Variants in PDZD2 observed in about 807,000 individuals in gnomAD.
PDZD2 encodes PDZ domain containing 2.
Under a neutral mutation model 220.7 loss-of-function variants are expected in PDZD2, and 90 were observed. The ratio of observed to expected loss-of-function variants is 0.41; its 90% CI spans 0.34 to 0.49. The LOEUF (loss-of-function observed/expected upper bound fraction) is 0.49, where lower values mean the gene tolerates loss of function less well. PDZD2 is among the 20% of genes least tolerant of loss of function. The probability of loss-of-function intolerance (pLI) is 0.28; values close to 1 mark genes in which losing one functional copy is unlikely to be tolerated. For synonymous variants in PDZD2, 1,375 were observed against 1,450.5 expected (o/e 0.95, Z 1.18); for missense variants, 3,174 against 3,608.5 (o/e 0.88, Z 3.08).
chr5:31,894,267 G>A (rs1275073329), intron 2 of PDZD2, among the ~76,000 whole-genome samples: 3 of 151,586 alleles, frequency 2.0e-5, no homozygotes, highest in East Asian at 1.9e-4. Context: ...CTGAAGTTTC[G>A]ACCAAAAGAC....
chr5:31,722,616 T>C (rs1205504857), intron 1 of PDZD2, among the ~76,000 whole-genome samples: 1 of 151,998 alleles, frequency 6.6e-6, no homozygotes, highest in Non-Finnish European at 1.5e-5. Context: ...AGAAAGAAAA[T>C]ACAAAGTTTA....
intron 2 of PDZD2, among the ~76,000 whole-genome samples, chr5:31,900,754 C>T (rs890801417): frequency 4.6e-5 from 7 of 152,126 alleles, no homozygotes; most frequent in Non-Finnish European, 8.8e-5. Context: ...TAGATTATCA[C>T]CCCGAGGAAC....
At chr5:32,081,911 A>G (rs1440911509) in intron 19 of PDZD2, among the ~76,000 whole-genome samples, 2 of 150,886 alleles carry the variant, frequency 1.3e-5, no homozygotes, top group African/African-American at 4.9e-5. Flanking sequence ...TTTAGTAGAG[A>G]TGGGGTTTCA....
At chr5:31,783,413 C>T (rs768365668) in intron 1 of PDZD2, among the ~76,000 whole-genome samples, 6 of 152,246 alleles carry the variant, frequency 3.9e-5, no homozygotes, top group Admixed American at 1.3e-4. Context: ...GCATCCGCAT[C>T]GGGGAAGGAG....
chr5:31,779,547 G>C (rs1186595292), intron 1 of PDZD2, among the ~76,000 whole-genome samples: 1 of 151,752 alleles, frequency 6.6e-6, no homozygotes, highest in Non-Finnish European at 1.5e-5. Flanking sequence ...CTAACTTTTT[G>C]TATTTTTAGT....
At chr5:32,010,780 G>C (rs1370020178) in intron 6 of PDZD2, 3 of 409,134 alleles carry the variant, frequency 7.3e-6, no homozygotes, top group Non-Finnish European at 1.4e-5. Context: ...TGGATCACCT[G>C]AGGTCAGGAG....
intron 3 of PDZD2, among the ~76,000 whole-genome samples, chr5:31,988,507 C>T (rs1750906058): frequency 6.7e-6 from 1 of 149,138 alleles, no homozygotes; most frequent in Non-Finnish European, 1.5e-5. Context: ...GATGTATTCA[C>T]CATCCTGGAA....
chr5:31,762,830 A>T (rs776463290), intron 1 of PDZD2, among the ~76,000 whole-genome samples: 18 of 152,162 alleles, frequency 1.2e-4, no homozygotes, highest in Non-Finnish European at 2.5e-4. Flanking sequence ...TTTGAGAGGT[A>T]ATCCAGTCTG....
intron 2 of PDZD2, among the ~76,000 whole-genome samples, chr5:31,822,281 T>TTC (rs1755928404): frequency 1.4e-5 from 2 of 146,350 alleles, no homozygotes; most frequent in African/African-American, 5.1e-5. Flanking sequence ...CTTTTTTTTT[T>TTC]TTTTTTTTTT....
intron 6 of PDZD2, among the ~76,000 whole-genome samples, chr5:32,022,379 T>TG (rs397830506): frequency 6.7e-6 from 1 of 150,310 alleles, no homozygotes; most frequent in Non-Finnish European, 1.5e-5. Context: ...TTTTTTTTTT[T>TG]GTATTTTAGT....
intron 1 of PDZD2, among the ~76,000 whole-genome samples, chr5:31,736,336 C>T (rs1183466686): frequency 6.6e-6 from 1 of 152,148 alleles, no homozygotes. Flanking sequence ...GTTACAGGCT[C>T]GGCTGTGAAA....
At chr5:31,869,197 A>G (rs1418712229) in intron 2 of PDZD2, among the ~76,000 whole-genome samples, 1 of 152,202 alleles carries the variant, frequency 6.6e-6, no homozygotes, top group East Asian at 1.9e-4. Context: ...AAATCCATTT[A>G]CTTCTACTGG....
chr5:31,770,433 G>T (rs1006859727), intron 1 of PDZD2, among the ~76,000 whole-genome samples: 2 of 152,194 alleles, frequency 1.3e-5, no homozygotes, highest in African/African-American at 4.8e-5. Flanking sequence ...GAGAGTATTT[G>T]GAGGGCTTGT....
intron 19 of PDZD2, among the ~76,000 whole-genome samples, chr5:32,080,212 G>A (rs1429348879): frequency 6.6e-6 from 1 of 151,914 alleles, no homozygotes; most frequent in East Asian, 1.9e-4. Context: ...GCCAGACGTG[G>A]TGGTGGGCAC....
intron 1 of PDZD2, among the ~76,000 whole-genome samples, chr5:31,772,516 T>G (rs1180260643): frequency 6.6e-6 from 1 of 152,182 alleles, no homozygotes; most frequent in Non-Finnish European, 1.5e-5. Context: ...ATTGCCTTCC[T>G]GAGAAAATTC....
chr5:31,884,935 G>C (rs940532701), intron 2 of PDZD2, among the ~76,000 whole-genome samples: 2 of 152,080 alleles, frequency 1.3e-5, no homozygotes, highest in African/African-American at 4.8e-5. Flanking sequence ...GAGCCACTGT[G>C]CCTGGCCGGC....
At chr5:31,731,944 T>A (rs1749557633) in intron 1 of PDZD2, among the ~76,000 whole-genome samples, 1 of 152,246 alleles carries the variant, frequency 6.6e-6, no homozygotes, top group African/African-American at 2.4e-5. Context: ...GTGGTTTAGC[T>A]CCTGGGCTGC....
chr5:31,705,217 C>G (rs1227621587), intron 1 of PDZD2, among the ~76,000 whole-genome samples: 1 of 147,108 alleles, frequency 6.8e-6, no homozygotes, highest in Non-Finnish European at 1.5e-5. Context: ...CACATACACA[C>G]TCACACTCAC....
chr5:31,810,867 A>G (rs1270773318), intron 2 of PDZD2, among the ~76,000 whole-genome samples: 5 of 152,260 alleles, frequency 3.3e-5, no homozygotes, highest in Non-Finnish European at 7.3e-5. Context: ...CAAAGCTTGT[A>G]AACAGTTATA....
Sources: gnomAD v4.1 joint callset for allele counts (sites outside exome capture counted in the v4.1 genomes callset) on GRCh38, gnomAD v4.1.1 for gene constraint, MANE v1.5 for transcripts, NCBI Gene and HGNC (gene_info 2026-07-23, HGNC 2026-07-21) for gene names.